ZFAND3: variants seen among roughly 807,000 people sequenced by gnomAD.
ZFAND3 encodes the protein AN1-type zinc finger protein 3.
ZFAND3 carries 10 observed loss-of-function variants against 29.6 expected under a neutral mutation model. The observed-to-expected ratio is 0.34, with a 90% CI of 0.21 to 0.57. ZFAND3 has a LOEUF of 0.57. Ranked by LOEUF, ZFAND3 falls within the 20% of genes least tolerant of loss-of-function variation. ZFAND3 has a pLI of 0.86. For missense variants in ZFAND3, 230 were observed against 304.5 expected (o/e 0.76, Z 1.82); for synonymous variants, 128 against 112.6 (o/e 1.14, Z -0.87).
At chr6:37,958,376 C>T (rs913026671) in intron 2 of ZFAND3, among the ~76,000 whole-genome samples, 3 of 150,906 alleles carry the variant, frequency 2.0e-5, no homozygotes, top group East Asian at 1.9e-4. Context: ...ATCGCTTGAA[C>T]CTGGGAGGTG....
chr6:38,053,529 C>G (rs1373341687), intron 2 of ZFAND3, among the ~76,000 whole-genome samples: 1 of 151,966 alleles, frequency 6.6e-6, no homozygotes, highest in Non-Finnish European at 1.5e-5. Context: ...ACTAAAAATA[C>G]AAAAATTAGC....
intron 1 of ZFAND3, among the ~76,000 whole-genome samples, chr6:37,862,518 CAA>C (rs79671764): frequency 4.5e-5 from 5 of 111,534 alleles, no homozygotes; most frequent in Admixed American, 9.2e-5. Context: ...CCTATCTTTC[CAA>C]AAAAAAAAAA....
intron 5 of ZFAND3, among the ~76,000 whole-genome samples, chr6:38,118,565 G>T (rs1765464828): frequency 6.6e-6 from 1 of 150,660 alleles, no homozygotes; most frequent in Non-Finnish European, 1.5e-5. Context: ...ATTTGCCATA[G>T]CGGATCAAGC....
At chr6:38,114,347 A>C (rs547037962) in intron 4 of ZFAND3, among the ~76,000 whole-genome samples, 1 of 152,316 alleles carries the variant, frequency 6.6e-6, no homozygotes, top group South Asian at 2.1e-4. Flanking sequence ...ATTTATATTT[A>C]AATTGTTGCT....
intron 5 of ZFAND3, among the ~76,000 whole-genome samples, chr6:38,150,853 C>T (rs1766206853): frequency 6.6e-6 from 1 of 152,174 alleles, no homozygotes; most frequent in African/African-American, 2.4e-5. Context: ...GGGATGCCTG[C>T]TCCAGACAGG....
intron 5 of ZFAND3, among the ~76,000 whole-genome samples, chr6:38,125,369 G>A (rs1765615420): frequency 6.6e-6 from 1 of 152,194 alleles, no homozygotes; most frequent in African/African-American, 2.4e-5. Flanking sequence ...CATTAGTGCA[G>A]GACTGTCCCA....
chr6:38,122,013 A>G (rs1483936179), intron 5 of ZFAND3, among the ~76,000 whole-genome samples: 2 of 152,198 alleles, frequency 1.3e-5, no homozygotes, highest in Non-Finnish European at 2.9e-5. Context: ...CTCAGCATTT[A>G]CTATTTGGCA....
chr6:38,148,809 C>G (rs952501839), intron 5 of ZFAND3, among the ~76,000 whole-genome samples: 3 of 152,160 alleles, frequency 2.0e-5, no homozygotes, highest in African/African-American at 7.2e-5. Flanking sequence ...TGGCTGCTGT[C>G]GGTAGATAAT....
At chr6:38,117,093 A>G (rs943128459) in intron 5 of ZFAND3, among the ~76,000 whole-genome samples, 3 of 152,274 alleles carry the variant, frequency 2.0e-5, no homozygotes, top group East Asian at 1.9e-4. Flanking sequence ...ATTCTGGAGT[A>G]TGTACCATAA....
chr6:37,914,606 T>C (rs1012562357), intron 1 of ZFAND3, among the ~76,000 whole-genome samples: 1 of 152,038 alleles, frequency 6.6e-6, no homozygotes, highest in African/African-American at 2.4e-5. Flanking sequence ...CCCAAAGTGC[T>C]GGGATCACTG....
chr6:38,089,328 A>T (rs1304182662), intron 4 of ZFAND3, among the ~76,000 whole-genome samples: 1 of 151,766 alleles, frequency 6.6e-6, no homozygotes, highest in Non-Finnish European at 1.5e-5. Flanking sequence ...GGGTTTCACC[A>T]TGTTGGCCAG....
intron 1 of ZFAND3, among the ~76,000 whole-genome samples, chr6:37,882,102 C>G (rs1302355961): frequency 6.6e-6 from 1 of 152,070 alleles, no homozygotes; most frequent in Non-Finnish European, 1.5e-5. Context: ...ACATTAGGGT[C>G]CTTTTCAGTG....
intron 2 of ZFAND3, among the ~76,000 whole-genome samples, chr6:37,961,086 A>G (rs1471755502): frequency 6.6e-6 from 1 of 152,142 alleles, no homozygotes; most frequent in Non-Finnish European, 1.5e-5. Flanking sequence ...AAAATAGTAA[A>G]TAATCAGTGC....
At chr6:38,001,977 T>C (rs2127439835) in intron 2 of ZFAND3, among the ~76,000 whole-genome samples, 1 of 152,326 alleles carries the variant, frequency 6.6e-6, no homozygotes, top group East Asian at 1.9e-4. Context: ...TGATCAAATT[T>C]ATTGTATTAC....
intron 2 of ZFAND3, among the ~76,000 whole-genome samples, chr6:37,988,555 GCTTA>G (rs1234950499): frequency 1.3e-5 from 2 of 152,088 alleles, no homozygotes; most frequent in African/African-American, 2.4e-5. Context: ...CTGTTTATAA[GCTTA>G]CTGTTTTTTG....
intron 1 of ZFAND3, among the ~76,000 whole-genome samples, chr6:37,871,901 A>G (rs1293910244): frequency 6.6e-6 from 1 of 152,220 alleles, no homozygotes. Flanking sequence ...CAAAATTGAA[A>G]CCATCTTTCC....
intron 1 of ZFAND3, among the ~76,000 whole-genome samples, chr6:37,834,349 C>T (rs577356600): frequency 6.6e-6 from 1 of 152,222 alleles, no homozygotes; most frequent in South Asian, 2.1e-4. Context: ...ATTTTTAGTG[C>T]TGAATAATAT....
intron 2 of ZFAND3, among the ~76,000 whole-genome samples, chr6:37,930,520 C>T (rs1761574799): frequency 6.6e-6 from 1 of 152,070 alleles, no homozygotes; most frequent in African/African-American, 2.4e-5. Flanking sequence ...CATAGTGAGA[C>T]CTTGTCTCTA....
Position 37,870,463 on chromosome 6 carries a change from A to G in ZFAND3, c.71+50447A>G, listed in dbSNP as rs532362226. 1.4e-3 allele frequency among the ~76,000 whole-genome samples: 212 copies of G among 151,866 alleles called. 1 individual carries two copies. The highest frequency in any genetic ancestry group is 5.0e-3 in the African/African-American group (206 of 41,446). ...CTAAAAATACAAAAATTAGCCAGGCATGGTGGCACGCGCCAATCCCAGCTA... is the reference window on the plus strand; with the variant it reads ...CTAAAAATACAAAAATTAGCCAGGCGTGGTGGCACGCGCCAATCCCAGCTA... On this transcript the variant is annotated intron_variant, in intron 1 of 5. Coordinates refer to ENST00000287218, the MANE Select transcript of ZFAND3 (RefSeq NM_021943.3).
Sources: allele counts gnomAD v4.1 joint callset (sites outside exome capture counted in the v4.1 genomes callset), GRCh38; gene constraint gnomAD v4.1.1; transcripts MANE v1.5; gene names NCBI Gene and HGNC (gene_info 2026-07-23, HGNC 2026-07-21).